MYO19: variants seen among roughly 807,000 people sequenced by gnomAD.
The protein encoded by MYO19 is myosin XIX, also known as unconventional myosin-XIX.
A neutral mutation model predicts 129.2 loss-of-function variants in MYO19; 132 were observed. The observed-to-expected ratio is 1.02, with a 90% CI of 0.89 to 1.18. The LOEUF (loss-of-function observed/expected upper bound fraction) is 1.18. Ranked by LOEUF, MYO19 falls within the 50% of genes most tolerant of loss-of-function variation. The pLI is 0.00. For synonymous variants in MYO19, 531 were observed against 477.2 expected (o/e 1.11, Z -1.47); for missense variants, 1,210 against 1,216.7 (o/e 0.99, Z 0.08).
upstream of MYO19, chr17:36,538,034 G>T: frequency 6.2e-7 from 1 of 1,614,066 alleles, no homozygotes; most frequent in Admixed American, 1.7e-5. Flanking sequence ...CTACCCTGGG[G>T]TATGTGGCAA....
At chr17:36,534,975 GGCGGGGCGAGCACTCGCGGC>G (rs1431799444), upstream of MYO19, 5 of 152,404 alleles carry the variant, frequency 3.3e-5, no homozygotes, top group East Asian at 1.9e-4. Context: ...CCTCCCTAGG[GGCGGGGCGAGCACTCGCGGC>G]GCGGGGCGCG....
intron 12 of MYO19, 72 bp from the exon 13 acceptor site, chr17:36,510,989 T>C (rs913146475): frequency 6.8e-7 from 1 of 1,480,302 alleles, no homozygotes. Context: ...TGTGAAGTCA[T>C]CACAGCGGGA....
At chr17:36,530,606 G>C (rs370031730) in intron 3 of MYO19, among the ~76,000 whole-genome samples, 1 of 148,238 alleles carries the variant, frequency 6.7e-6, no homozygotes. Flanking sequence ...ACAGGCACGC[G>C]TAAAAGTGGC....
chr17:36,522,830 AC>A (rs2142272477), intron 6 of MYO19, among the ~76,000 whole-genome samples: 1 of 152,060 alleles, frequency 6.6e-6, no homozygotes, highest in African/African-American at 2.4e-5. Flanking sequence ...ACACAGTGAA[AC>A]CCGTCTCTAC....
intron 2 of MYO19, chr17:36,533,752 A>T (rs537989186): frequency 6.6e-6 from 1 of 152,422 alleles, no homozygotes; most frequent in East Asian, 1.9e-4. Flanking sequence ...GGCTCCAGAG[A>T]ACAAAGCTCT....
At chr17:36,544,644 T>C (rs1010570443), upstream of MYO19, among the ~76,000 whole-genome samples, 1 of 152,130 alleles carries the variant, frequency 6.6e-6, no homozygotes, top group Non-Finnish European at 1.5e-5. Flanking sequence ...CCCTCGTCCG[T>C]GGGGAAGCCT....
intron 6 of MYO19, among the ~76,000 whole-genome samples, chr17:36,524,950 G>A (rs1265495993): frequency 6.6e-6 from 1 of 152,194 alleles, no homozygotes; most frequent in Non-Finnish European, 1.5e-5. Context: ...AGAGCTGGGA[G>A]ACACTTTCGA....
At chr17:36,513,369 C>CT in intron 11 of MYO19, 60 bp downstream of exon 11, 1 of 1,613,654 alleles carries the variant, frequency 6.2e-7, no homozygotes, top group South Asian at 1.1e-5. Flanking sequence ...GGGAAAAGCT[C>CT]TATGCAAAGG....
At chr17:36,511,903 G>T (rs1047385929) in intron 11 of MYO19, among the ~76,000 whole-genome samples, 3 of 152,150 alleles carry the variant, frequency 2.0e-5, no homozygotes, top group African/African-American at 7.2e-5. Flanking sequence ...CCACTGTCAG[G>T]CTTCTGAGAG....
intron 14 of MYO19, chr17:36,508,189 C>T: frequency 3.2e-6 from 1 of 315,516 alleles, no homozygotes; most frequent in Non-Finnish European, 5.8e-6. Context: ...CCCAGAGCAT[C>T]AGGCCCATTT....
intron 6 of MYO19, among the ~76,000 whole-genome samples, chr17:36,518,511 A>T (rs2072912439): frequency 2.6e-5 from 2 of 76,390 alleles, no homozygotes; most frequent in African/African-American, 1.2e-4. Flanking sequence ...AAAAAAAAAA[A>T]AAAAAAAAAA....
At chr17:36,537,846 A>G (rs751111611), upstream of MYO19, 1 of 1,614,124 alleles carries the variant, frequency 6.2e-7, no homozygotes, top group South Asian at 1.1e-5. Context: ...GAAATTGATA[A>G]CACCACTGCT....
At chr17:36,535,721 G>C (rs1306752249), upstream of MYO19, 2 of 152,202 alleles carry the variant, frequency 1.3e-5, no homozygotes, top group African/African-American at 4.8e-5. Context: ...GCAGTGGCGC[G>C]ATCTCGGCTC....
At chr17:36,539,509 C>T (rs2074184442), upstream of MYO19, among the ~76,000 whole-genome samples, 1 of 152,032 alleles carries the variant, frequency 6.6e-6, no homozygotes, top group Non-Finnish European at 1.5e-5. Context: ...CATGGTGACT[C>T]ACGCCTGTAA....
chr17:36,522,959 T>A (rs562895953), intron 6 of MYO19, among the ~76,000 whole-genome samples: 2 of 151,058 alleles, frequency 1.3e-5, no homozygotes, highest in South Asian at 2.1e-4. Context: ...TGAGCCAAGA[T>A]TGTGCCACTG....
At chr17:36,497,187 T>A (rs999000095) in intron 25 of MYO19, among the ~76,000 whole-genome samples, 4 of 138,674 alleles carry the variant, frequency 2.9e-5, no homozygotes, top group South Asian at 4.7e-4. Flanking sequence ...AAAAAAAAAA[T>A]ATAGCCAGGC....
chr17:36,515,829 A>G lies in MYO19; in HGVS notation c.547+29T>C, dbSNP rs1567763903. The G allele has an allele frequency of 1.9e-6, 3 of 1,593,304 alleles. No homozygotes were observed. The African/African-American group carries it at 4.0e-5, about 21-fold the overall frequency. On this transcript the variant is annotated intron_variant, in intron 7 of 25. Transcript: ENST00000614623. ...GAAAATCCCAGAGGAAATGGGACTG[A>G]GATACTGTGCAAAGGAGCCCAAGCT...
At chr17:36,539,224 A>C (rs960974120), upstream of MYO19, 3 of 167,070 alleles carry the variant, frequency 1.8e-5, no homozygotes, top group African/African-American at 7.2e-5. Flanking sequence ...ATGTAACCTT[A>C]TGCTATTCTG....
chr17:36,497,381 CAGAAAAGGAAAAAACCA>C (rs1469317982), intron 25 of MYO19, among the ~76,000 whole-genome samples: 1 of 151,232 alleles, frequency 6.6e-6, no homozygotes, highest in Non-Finnish European at 1.5e-5. Flanking sequence ...TTTCGTCAGC[CAGAAAAGGAAAAAACCA>C]AGCAATACAA....
Sources: gnomAD v4.1 joint callset for allele counts (sites outside exome capture counted in the v4.1 genomes callset) on GRCh38, gnomAD v4.1.1 for gene constraint, MANE v1.5 for transcripts, NCBI Gene and HGNC (gene_info 2026-07-23, HGNC 2026-07-21) for gene names.